RNF10: variants seen among roughly 807,000 people sequenced by gnomAD.
The protein encoded by RNF10 is E3 ubiquitin-protein ligase RNF10.
A neutral mutation model predicts 91.4 loss-of-function variants in RNF10; 38 were observed. The observed-to-expected ratio is 0.42, with a 90% CI of 0.32 to 0.54. The LOEUF (loss-of-function observed/expected upper bound fraction) is 0.54. Among genes scored for constraint, RNF10 ranks in the 20% least tolerant of loss-of-function variants. The pLI is 0.16. For synonymous variants in RNF10, 364 were observed against 366.3 expected, an observed-to-expected ratio of 0.99 and a Z score of 0.07; for missense variants, 945 against 1,012.0, an observed-to-expected ratio of 0.93 and a Z score of 0.90.
At chr12:120,537,495 G>A (rs1490658445) in intron 1 of RNF10, among the ~76,000 whole-genome samples, 1 of 152,078 alleles carries the variant, frequency 6.6e-6, no homozygotes, top group Admixed American at 6.6e-5. Context: ...CGGCGTGGTG[G>A]TGCGCACCTG....
chr12:120,563,056 T>TC lies in RNF10; in HGVS notation c.1240_1241insC (p.Phe414SerfsTer16), dbSNP rs768732657. The TC allele has an allele frequency of 6.2e-7, 1 of 1,614,102 alleles. No individual in the cohort carries two copies. Reference sequence around the variant, plus strand: ...GGCTCCCTTGGCGAAGGAGTCTGTTTTTCAACCCAGGAAGGTTAGTGTGTT... The same window carrying TC: ...GGCTCCCTTGGCGAAGGAGTCTGTTTCTTCAACCCAGGAAGGTTAGTGTGTT... On this transcript the variant is annotated frameshift_variant, in exon 8 of 17. Transcript: ENST00000325954. LOFTEE classifies it high-confidence loss of function.
chr12:120,558,266 A>G (rs1365529622), intron 6 of RNF10, among the ~76,000 whole-genome samples: 2 of 152,174 alleles, frequency 1.3e-5, no homozygotes, highest in Admixed American at 6.5e-5. Context: ...TAAAAAATCC[A>G]AAAGTTTTAA....
At chr12:120,573,101 A>G (rs967645340) in intron 14 of RNF10, among the ~76,000 whole-genome samples, 6 of 152,134 alleles carry the variant, frequency 3.9e-5, no homozygotes, top group African/African-American at 7.2e-5. Flanking sequence ...GATATCCTGA[A>G]TGATACTTTA....
At position 120,559,176 on chromosome 12, in the gene RNF10, C is replaced by CTTTTTT. The variant is rs34120761; in HGVS notation, c.967+1512_967+1517dup. Among the ~76,000 whole-genome samples the CTTTTTT allele has an allele frequency of 7.8e-4, 75 of 95,772 alleles. 1 individual carries two copies. The highest frequency in any genetic ancestry group is 1.0e-3 in the African/African-American group (19 of 18,228). The allele number at this position is 95,772 out of a possible 152,430, so 62.8% of individuals were successfully genotyped here. A position where few individuals can be genotyped will look rare whatever the true frequency, so the allele number is the denominator to read the frequency against. ...GTTGATAGGCTGGTCTTGAACTACTCTTTTTTTTTTTTTTTTTTTTTTTGA... is the reference window on the plus strand; with the variant it reads ...GTTGATAGGCTGGTCTTGAACTACTCTTTTTTTTTTTTTTTTTTTTTTTTTTTTTGA... On this transcript the variant is annotated intron_variant, in intron 6 of 16. Transcript: ENST00000325954.
At chr12:120,555,214 C>T (rs1873795492) in intron 4 of RNF10, among the ~76,000 whole-genome samples, 1 of 152,234 alleles carries the variant, frequency 6.6e-6, no homozygotes, top group Admixed American at 6.5e-5. Context: ...AAGAGTCTCA[C>T]TCTGTTGCCC....
At chr12:120,539,329 C>T in intron 1 of RNF10, 4 of 1,014,524 alleles carry the variant, frequency 3.9e-6, no homozygotes, top group Non-Finnish European at 5.4e-6. Flanking sequence ...CTGGCATGTG[C>T]ATCATTCCTG....
intron 7 of RNF10, 34 bp downstream of exon 7, chr12:120,560,920 C>T (rs770721954): frequency 5.0e-6 from 8 of 1,599,892 alleles, no homozygotes; most frequent in Non-Finnish European, 6.8e-6. Context: ...TAAACCTTTT[C>T]ACTTTCTCGG....
Position 120,565,624 on chromosome 12 carries a change from G to C in RNF10, c.1885+95G>C, listed in dbSNP as rs933768523. The C allele has an allele frequency of 5.0e-6, 5 of 992,066 alleles. No individual in the cohort carries two copies. The African/African-American group carries it at 6.5e-5, about 13-fold the overall frequency. 61.5% of individuals were successfully genotyped at this position (992,066 alleles called of 1,614,324 possible). A position where few individuals can be genotyped will look rare whatever the true frequency, so the allele number is the denominator to read the frequency against. Reference sequence around the variant, plus strand: ...CCTGGGAGCCAGACCTTAGCCACTTGTTTTCTTCAACTTTTAAATGTGAAT... The same window carrying C: ...CCTGGGAGCCAGACCTTAGCCACTTCTTTTCTTCAACTTTTAAATGTGAAT... On this transcript the variant is annotated intron_variant, in intron 12 of 16. Transcript: ENST00000325954.
In RNF10 at chr12:120,563,947, A is replaced by G; in HGVS notation, c.1665+4A>G. The G allele has an allele frequency of 6.2e-7, 1 of 1,614,106 alleles. No individual in the cohort carries two copies. The highest frequency in any genetic ancestry group is 8.5e-7 in the Non-Finnish European group (1 of 1,180,020). On this transcript the variant is annotated splice_donor_region_variant and intron_variant, in intron 10 of 16. Transcript: ENST00000325954. ...TGCTGGCTACTCCATGTCTGAGGTGAGGCCTTCCTGTAGAAATGGAGGGTC... is the reference window on the plus strand; with the variant it reads ...TGCTGGCTACTCCATGTCTGAGGTGGGGCCTTCCTGTAGAAATGGAGGGTC...
chr12:120,562,874 G>A (rs555406095), intron 7 of RNF10, 71 bp from the exon 8 acceptor site: 2 of 1,599,964 alleles, frequency 1.3e-6, no homozygotes, highest in African/African-American at 1.3e-5. Context: ...GCCATTCTAA[G>A]CCCTTGCCCT....
intron 13 of RNF10, among the ~76,000 whole-genome samples, chr12:120,569,488 C>CT (rs1331969848): frequency 1.3e-5 from 2 of 150,298 alleles, no homozygotes; most frequent in African/African-American, 4.9e-5. Flanking sequence ...GAAAAAGGAG[C>CT]ATACGAAGGA....
At position 120,571,256 on chromosome 12, in the gene RNF10, C is replaced by G; in HGVS notation, c.2107C>G (p.Leu703Val). Residue 703 changes from leucine (L) to valine (V), a missense_variant, in exon 14 of 17, where the codon CTG (leucine) becomes GTG (valine). By Grantham distance (32) the Leu-to-Val change is conservative. Coordinates refer to ENST00000325954, the MANE Select transcript of RNF10 (RefSeq NM_014868.5). Reference protein sequence around the residue: ...QGSPSFCVGSLEEDSPFPSFA... With the variant: ...QGSPSFCVGSVEEDSPFPSFA... ...CAGTCCCTCATTCTGCGTTGGGAGT[C>G]TGGAAGAAGACTCTCCCTTCCCTTC... 3 of 1,614,052 alleles carry G rather than the reference C, an allele frequency of 1.9e-6. No homozygotes were observed. Among genetic ancestry groups the G allele is most frequent in the Non-Finnish European group, 2.5e-6 (3 of 1,179,958 alleles).
chr12:120,563,325 G>A (rs1180760651), intron 8 of RNF10, 22 bp from the exon 9 acceptor site: 1 of 1,594,098 alleles, frequency 6.3e-7, no homozygotes, highest in African/African-American at 1.3e-5. Context: ...CCTTTCTGTT[G>A]ACTTAGAGTT....
chr12:120,563,590 C>G lies in RNF10; in HGVS notation c.1498C>G (p.Leu500Val). 1 of 1,608,814 alleles carries G rather than the reference C, an allele frequency of 6.2e-7. No homozygotes were observed. Among genetic ancestry groups the G allele is most frequent in the Non-Finnish European group, 8.5e-7 (1 of 1,177,104 alleles). Residue 500 changes from leucine (L) to valine (V), a missense_variant, in exon 9 of 17, where the codon CTC becomes GTC. Physicochemically the swap from Leu to Val is conservative, Grantham distance 32. Transcript: ENST00000325954. ...CATCACCAAGTCAGGCTTCACACGC[C>G]TCAGCAGCTCTCCTTGTTACTACTT... Reference protein sequence around the residue: ...EPITKSGFTRLSSSPCYYFYQ... With the variant: ...EPITKSGFTRVSSSPCYYFYQ...
intron 11 of RNF10, 72 bp from the exon 12 acceptor site, chr12:120,565,356 C>T: frequency 7.0e-7 from 1 of 1,421,088 alleles, no homozygotes; most frequent in South Asian, 1.1e-5. Context: ...GTGGGTTTAG[C>T]TGCTAATACT....
chr12:120,552,380 A>G, intron 2 of RNF10, 119 bp from the exon 3 acceptor site: 1 of 787,688 alleles, frequency 1.3e-6, no homozygotes, highest in Non-Finnish European at 2.0e-6. Flanking sequence ...AGCCTGGATG[A>G]CAGAGTAAGA....
chr12:120,552,629 A>G lies in RNF10; in HGVS notation c.485A>G (p.His162Arg), dbSNP rs778753346. 1.1e-5 allele frequency: 17 copies of G among 1,614,178 alleles called. No individual in the cohort carries two copies. In the South Asian group the frequency reaches 1.1e-4, roughly 10 times the overall value. The change falls in exon 3 of 17, where the codon CAT becomes CGT. Residue 162 changes from histidine (H) to arginine (R), a missense_variant. Coordinates refer to ENST00000325954, the MANE Select transcript of RNF10 (RefSeq NM_014868.5). ...GQTGHFEGSG[H>R]GSWGKRNKWG... ...ACGGGTCACTTTGAAGGCAGTGGAC[A>G]TGGTAGCTGGGGAAAGAGGAACAAG...
At chr12:120,548,921 C>T (rs781364919) in intron 2 of RNF10, among the ~76,000 whole-genome samples, 1 of 152,074 alleles carries the variant, frequency 6.6e-6, no homozygotes, top group Non-Finnish European at 1.5e-5. Flanking sequence ...CCGCCCGCTT[C>T]GGCCTCCCAA....
chr12:120,574,228 T>G (rs1877066662), intron 14 of RNF10, among the ~76,000 whole-genome samples: 1 of 152,280 alleles, frequency 6.6e-6, no homozygotes, highest in Non-Finnish European at 1.5e-5. Flanking sequence ...AAACTCATCT[T>G]GAGTAATAGG....
Sources: allele counts gnomAD v4.1 joint callset (sites outside exome capture counted in the v4.1 genomes callset), GRCh38; gene constraint gnomAD v4.1.1; transcripts MANE v1.5; gene names NCBI Gene and HGNC (gene_info 2026-07-23, HGNC 2026-07-21).